Variants in CACNA1D observed in about 807,000 individuals in gnomAD.
CACNA1D encodes the protein voltage-dependent L-type calcium channel subunit alpha-1D.
A neutral mutation model predicts 257.1 loss-of-function variants in CACNA1D; 55 were observed. The observed-to-expected ratio is 0.21, with a 90% CI of 0.17 to 0.27. The LOEUF is 0.27. CACNA1D is among the 10% of genes least tolerant of loss of function. The pLI, the probability that CACNA1D is intolerant of heterozygous loss-of-function variation, is 1.00. For synonymous variants in CACNA1D, 980 were observed against 1,014.9 expected, an observed-to-expected ratio of 0.97 and a Z score of 0.65; for missense variants, 1,876 against 2,784.0, an observed-to-expected ratio of 0.67 and a Z score of 7.34.
chr3:53,506,864 C>T (rs1170289431), intron 3 of CACNA1D, among the ~76,000 whole-genome samples: 1 of 152,142 alleles, frequency 6.6e-6, no homozygotes, highest in African/African-American at 2.4e-5. Flanking sequence ...ATATTAGCCA[C>T]ATTGCAGATG....
intron 3 of CACNA1D, among the ~76,000 whole-genome samples, chr3:53,526,033 G>A (rs148259026): frequency 8.1e-4 from 123 of 152,350 alleles, no homozygotes; most frequent in Non-Finnish European, 1.2e-3. Context: ...GCTGCCAACA[G>A]TTTCTAGGCC....
intron 3 of CACNA1D, among the ~76,000 whole-genome samples, chr3:53,605,398 A>C (rs2093496547): frequency 6.6e-6 from 1 of 152,242 alleles, no homozygotes; most frequent in South Asian, 2.1e-4. Context: ...GTAGTTGTTC[A>C]GAGAAAGAAG....
chr3:53,571,519 T>C (rs891728355), intron 3 of CACNA1D, among the ~76,000 whole-genome samples: 1 of 152,006 alleles, frequency 6.6e-6, no homozygotes, highest in Non-Finnish European at 1.5e-5. Context: ...TGGGGTGTGT[T>C]TGGCCAGGAT....
At chr3:53,541,359 A>G (rs144195967) in intron 3 of CACNA1D, among the ~76,000 whole-genome samples, 6 of 152,324 alleles carry the variant, frequency 3.9e-5, no homozygotes, top group Non-Finnish European at 8.8e-5. Context: ...TGATTACAGT[A>G]TTTTCAAAAG....
chr3:53,648,175 A>G (rs2094042938), intron 3 of CACNA1D, among the ~76,000 whole-genome samples: 2 of 152,088 alleles, frequency 1.3e-5, no homozygotes, highest in African/African-American at 4.8e-5. Context: ...ATGAATATTG[A>G]TGGCAGCAAA....
Position 53,662,051 on chromosome 3 carries a change from G to A in CACNA1D, c.766+1776G>A, listed in dbSNP as rs529200505. On this transcript the variant is annotated intron_variant, in intron 5 of 47. Coordinates refer to ENST00000350061, the MANE Select transcript of CACNA1D (RefSeq NM_001128840.3). ...GTCGGATGTGCTGTTTCTAGTGCTG[G>A]TTGGCAGCCGTGGCCTGCTGATTTC... is the stretch of plus-strand genomic sequence containing the variant. 1.7e-4 allele frequency among the ~76,000 whole-genome samples: 26 copies of A among 152,262 alleles called. No individual in the cohort carries two copies. The South Asian group carries it at 5.4e-3, about 32-fold the overall frequency.
chr3:53,678,314 G>A (rs973732723), intron 8 of CACNA1D, among the ~76,000 whole-genome samples: 1 of 152,102 alleles, frequency 6.6e-6, no homozygotes, highest in African/African-American at 2.4e-5. Flanking sequence ...AGTAGATCTT[G>A]TATGTTGTTA....
At chr3:53,643,083 C>T (rs975361547) in intron 3 of CACNA1D, among the ~76,000 whole-genome samples, 17 of 152,282 alleles carry the variant, frequency 1.1e-4, no homozygotes, top group African/African-American at 3.9e-4. Context: ...AACGGGGCAA[C>T]ACAGCTGTCG....
chr3:53,774,823 C>G lies in CACNA1D; in HGVS notation c.4202+145C>G, dbSNP rs2095387921. On this transcript the variant is annotated intron_variant, in intron 34 of 47. Coordinates refer to ENST00000350061, the MANE Select transcript of CACNA1D (RefSeq NM_001128840.3). The surrounding 1 kb of genome is among the most constrained non-coding windows in gnomAD (Gnocchi z 4.3). ...TTTTTGTTTTTGTTTGTTCTGTATT[C>G]TTAAACACAGACCCTAGCATTTCAA... 1 of 628,328 alleles carries G rather than the reference C, an allele frequency of 1.6e-6. No individual in the cohort carries two copies. The highest frequency in any genetic ancestry group is 2.6e-5 in the East Asian group (1 of 38,392). 38.9% of individuals were successfully genotyped at this position (628,328 alleles called of 1,614,324 possible).
rs537352761 is a variant in CACNA1D, at chr3:53,495,362, T to A, written c.67+129T>A. The A allele has an allele frequency of 7.5e-6, 8 of 1,062,854 alleles. No individual in the cohort carries two copies. In the East Asian group the frequency reaches 1.9e-4, roughly 26 times the overall value. 65.8% of individuals were successfully genotyped at this position (1,062,854 alleles called of 1,614,324 possible). Reference sequence around the variant, plus strand: ...AGAGGGTGCTGCCAGCTCGGTGTCGTCTACACAGAGAGGGGACATGCGTGA... The same window carrying A: ...AGAGGGTGCTGCCAGCTCGGTGTCGACTACACAGAGAGGGGACATGCGTGA... On this transcript the variant is annotated intron_variant, in intron 1 of 47. Transcript: ENST00000350061. The surrounding 1 kb of genome is among the most constrained non-coding windows in gnomAD (Gnocchi z 5.1).
intron 35 of CACNA1D, 81 bp downstream of exon 35, chr3:53,776,126 G>C: frequency 7.8e-7 from 1 of 1,289,052 alleles, no homozygotes; most frequent in East Asian, 2.3e-5. Context: ...GCCTTGCCCT[G>C]TCCCATCGCC....
chr3:53,514,633 G>A (rs1182857913), intron 3 of CACNA1D, among the ~76,000 whole-genome samples: 3 of 152,198 alleles, frequency 2.0e-5, no homozygotes, highest in African/African-American at 7.2e-5. Flanking sequence ...GTGAGCCAGA[G>A]GTTTAAGATG....
intron 3 of CACNA1D, among the ~76,000 whole-genome samples, chr3:53,643,382 G>A (rs1366745278): frequency 6.6e-6 from 1 of 152,172 alleles, no homozygotes; most frequent in Non-Finnish European, 1.5e-5. Flanking sequence ...GCTTGTAGAA[G>A]CTGTGTGATA....
At chr3:53,749,110 T>A (rs1249201550) in intron 26 of CACNA1D, 158 bp from the exon 27 acceptor site, 1 of 707,072 alleles carries the variant, frequency 1.4e-6, no homozygotes, top group Non-Finnish European at 2.6e-6. Flanking sequence ...GGCCTGAGGC[T>A]GATGGGAGAG....
At chr3:53,661,088 G>A (rs1248183350) in intron 5 of CACNA1D, among the ~76,000 whole-genome samples, 1 of 152,206 alleles carries the variant, frequency 6.6e-6, no homozygotes, top group Non-Finnish European at 1.5e-5. Context: ...GGTGTTTGGG[G>A]TTGCCTCACT....
At chr3:53,691,801 A>ATATAATATATATTATATATTATATC (rs1367887239) in intron 8 of CACNA1D, among the ~76,000 whole-genome samples, 8 of 87,384 alleles carry the variant, frequency 9.2e-5, no homozygotes, top group South Asian at 8.6e-4. Context: ...TATATTACAT[A>ATATAATATATATTATATATTATATC]TATAATATAT....
chr3:53,677,565 A>T (rs141340158), intron 8 of CACNA1D, among the ~76,000 whole-genome samples: 48 of 152,254 alleles, frequency 3.2e-4, no homozygotes, highest in African/African-American at 1.1e-3. Flanking sequence ...TACTCTTTGG[A>T]AATTCTGGAG....
At chr3:53,555,619 A>G (rs964456872) in intron 3 of CACNA1D, among the ~76,000 whole-genome samples, 1 of 151,466 alleles carries the variant, frequency 6.6e-6, no homozygotes, top group Non-Finnish European at 1.5e-5. Flanking sequence ...TTCTCTTCAA[A>G]TCATTCTCAA....
At chr3:53,666,152 A>C (rs1205797934) in intron 6 of CACNA1D, among the ~76,000 whole-genome samples, 187 bp from the exon 7 acceptor site, 1 of 152,206 alleles carries the variant, frequency 6.6e-6, no homozygotes, top group East Asian at 1.9e-4. Context: ...TGCTGACAAG[A>C]GGAAATGGCA....
Sources: allele counts gnomAD v4.1 joint callset (sites outside exome capture counted in the v4.1 genomes callset), GRCh38; gene constraint gnomAD v4.1.1; non-coding constraint Gnocchi (gnomAD v3.1); transcripts MANE v1.5; gene names NCBI Gene and HGNC (gene_info 2026-07-23, HGNC 2026-07-21).